Variants in PSD3 observed in about 807,000 individuals in gnomAD.
The protein encoded by PSD3 is pleckstrin and Sec7 domain containing 3.
A neutral mutation model predicts 105.5 loss-of-function variants in PSD3; 49 were observed. That is an observed-to-expected ratio of 0.46 (90% CI 0.37 to 0.59). PSD3 has a LOEUF of 0.59. Ranked by LOEUF, PSD3 falls within the 20% of genes least tolerant of loss-of-function variation. The pLI, the probability that PSD3 is intolerant of heterozygous loss-of-function variation, is 0.00. For missense variants in PSD3, 1,561 were observed against 1,263.8 expected, an observed-to-expected ratio of 1.24 and a Z score of -3.57; for synonymous variants, 557 against 457.8, an observed-to-expected ratio of 1.22 and a Z score of -2.77.
chr8:19,056,690 T>C (rs888709598), intron 1 of PSD3, among the ~76,000 whole-genome samples: 1 of 152,212 alleles, frequency 6.6e-6, no homozygotes, highest in African/African-American at 2.4e-5. Context: ...AGGTTCCACA[T>C]TGGGAAGCTA....
At chr8:18,590,047 CA>C (rs757699533) in intron 12 of PSD3, among the ~76,000 whole-genome samples, 1 of 151,596 alleles carries the variant, frequency 6.6e-6, no homozygotes, top group Non-Finnish European at 1.5e-5. Flanking sequence ...GCAAAGAAAA[CA>C]ACAACAACAA....
At chr8:18,758,939 A>C (rs567297392) in intron 9 of PSD3, among the ~76,000 whole-genome samples, 4 of 152,238 alleles carry the variant, frequency 2.6e-5, no homozygotes, top group Admixed American at 1.3e-4. Flanking sequence ...TTGAATGACA[A>C]CTTTCATTAA....
chr8:18,997,753 TG>T (rs1378953537), intron 1 of PSD3, among the ~76,000 whole-genome samples: 1 of 139,274 alleles, frequency 7.2e-6, no homozygotes, highest in Admixed American at 7.1e-5. Flanking sequence ...CTGCACCTGC[TG>T]TGCCCTCTTC....
intron 9 of PSD3, among the ~76,000 whole-genome samples, chr8:18,735,472 T>C (rs17127125): frequency 0.039 from 5,876 of 152,204 alleles, 226 homozygotes; most frequent in East Asian, 0.15. Flanking sequence ...TCCCAGGGGA[T>C]AGGAATGCTT....
In PSD3 at chr8:18,872,298, G is replaced by C; in HGVS notation, c.566C>G (p.Ala189Gly). 1.2e-6 allele frequency: 2 copies of C among 1,614,204 alleles called. No homozygotes were observed. Among genetic ancestry groups the C allele is most frequent in the Non-Finnish European group, 1.7e-6 (2 of 1,180,026 alleles). Residue 189 changes from alanine (A) to glycine (G), a missense_variant, in exon 3 of 16, where the codon GCT becomes GGT. Physicochemically the swap from Ala to Gly is moderately conservative, Grantham distance 60 (BLOSUM62 0). Transcript: ENST00000327040. ...TATTTCTGGTAAATTTTTTTGGCCA[G>C]CAGGGAGCGTTTTGTTGACTCTCTG... ...KTQRVNKTLP[A>G]GQKNLPEIPL...
At chr8:19,050,932 G>A (rs1190779530) in intron 1 of PSD3, among the ~76,000 whole-genome samples, 1 of 152,196 alleles carries the variant, frequency 6.6e-6, no homozygotes, top group African/African-American at 2.4e-5. Context: ...AACTGTCATG[G>A]TGTCCTGAGG....
At chr8:18,842,550 G>A (rs1416588903) in intron 4 of PSD3, among the ~76,000 whole-genome samples, 1 of 152,084 alleles carries the variant, frequency 6.6e-6, no homozygotes, top group Non-Finnish European at 1.5e-5. Context: ...TGGCTAACAC[G>A]GTGAAACCCC....
Position 18,655,705 on chromosome 8 carries a change from G to C in PSD3, c.2173-20C>G, listed in dbSNP as rs202024451. The C allele has an allele frequency of 1.9e-6, 3 of 1,607,742 alleles. No homozygotes were observed. The highest frequency in any genetic ancestry group is 2.2e-5 in the East Asian group (1 of 44,808). ...CAGAGCCTGTAAAGAGAGAAAATGA[G>C]ATCACATTATTCTTTCCATTCTGTT... On this transcript the variant is annotated intron_variant, in intron 9 of 15. Transcript: ENST00000327040.
chr8:19,065,512 A>G (rs1829047175), intron 1 of PSD3, among the ~76,000 whole-genome samples: 1 of 152,198 alleles, frequency 6.6e-6, no homozygotes, highest in Non-Finnish European at 1.5e-5. Context: ...GATCAGCTTG[A>G]AGTTAGGGTT....
At chr8:18,744,966 T>A (rs1250983898) in intron 9 of PSD3, among the ~76,000 whole-genome samples, 2 of 152,320 alleles carry the variant, frequency 1.3e-5, no homozygotes, top group South Asian at 4.1e-4. Context: ...AATTTGGGTT[T>A]GGCTGCTGTT....
intron 3 of PSD3, among the ~76,000 whole-genome samples, chr8:18,869,281 C>A (rs1038923425): frequency 3.3e-5 from 5 of 151,026 alleles, no homozygotes; most frequent in Admixed American, 2.0e-4. Context: ...CCTCCGCCTC[C>A]CAGGTTCAAG....
At chr8:18,578,509 T>C (rs533444269) in intron 12 of PSD3, among the ~76,000 whole-genome samples, 8 of 152,226 alleles carry the variant, frequency 5.3e-5, no homozygotes, top group Middle Eastern at 6.8e-3. Flanking sequence ...CATGCCCTTC[T>C]ATGTAACCGT....
intron 14 of PSD3, among the ~76,000 whole-genome samples, chr8:18,571,999 A>G (rs1308868317): frequency 6.6e-6 from 1 of 152,224 alleles, no homozygotes; most frequent in East Asian, 1.9e-4. Flanking sequence ...ATGTAAATAC[A>G]CTTGGAGCAG....
At chr8:18,757,209 T>C (rs552596669) in intron 9 of PSD3, among the ~76,000 whole-genome samples, 2 of 150,762 alleles carry the variant, frequency 1.3e-5, no homozygotes, top group African/African-American at 4.9e-5. Flanking sequence ...TCCCAGCACT[T>C]TGGGAGGCCG....
At chr8:18,858,134 T>C (rs1233841312) in intron 4 of PSD3, among the ~76,000 whole-genome samples, 1 of 152,214 alleles carries the variant, frequency 6.6e-6, no homozygotes, top group African/African-American at 2.4e-5. Context: ...GATATATTGC[T>C]GGTTCAATTC....
intron 1 of PSD3, among the ~76,000 whole-genome samples, chr8:18,975,562 A>C (rs1824899973): frequency 6.6e-6 from 1 of 152,206 alleles, no homozygotes; most frequent in South Asian, 2.1e-4. Flanking sequence ...AGAAAGAGTA[A>C]AAGAGATAAC....
At chr8:18,589,596 AAT>A (rs1803447319) in intron 12 of PSD3, among the ~76,000 whole-genome samples, 1 of 152,184 alleles carries the variant, frequency 6.6e-6, no homozygotes, top group Non-Finnish European at 1.5e-5. Context: ...TAATTATAAA[AAT>A]GTTGTTTACA....
intron 4 of PSD3, among the ~76,000 whole-genome samples, chr8:18,841,467 AAC>A (rs35771611): frequency 0.075 from 11,169 of 148,032 alleles, 936 homozygotes; most frequent in African/African-American, 0.21. Context: ...CTGCTATTTA[AAC>A]ACACACACAC....
At chr8:18,944,706 T>G (rs1822754796) in intron 1 of PSD3, among the ~76,000 whole-genome samples, 1 of 152,222 alleles carries the variant, frequency 6.6e-6, no homozygotes, top group Admixed American at 6.5e-5. Flanking sequence ...AATATCTTGT[T>G]TCACACCAAA....
Sources: allele counts gnomAD v4.1 joint callset (sites outside exome capture counted in the v4.1 genomes callset), GRCh38; gene constraint gnomAD v4.1.1; transcripts MANE v1.5; gene names NCBI Gene and HGNC (gene_info 2026-07-23, HGNC 2026-07-21).